Variants in AKR1C8 observed in about 807,000 individuals in gnomAD.
AKR1C8 encodes aldo-keto reductase family 1 member C-like protein 1.
the AKR1C8 span, among the ~76,000 whole-genome samples, chr10:5,180,389 G>T: frequency 6.6e-6 from 1 of 152,208 alleles, no homozygotes; most frequent in Non-Finnish European, 1.5e-5. Flanking sequence ...CCCCTACTGG[G>T]GGCTGCCTCC....
chr10:5,177,850 T>C, the AKR1C8 span, among the ~76,000 whole-genome samples: 1 of 152,200 alleles, frequency 6.6e-6, no homozygotes, highest in Non-Finnish European at 1.5e-5. Context: ...TTTTACTGCA[T>C]CTATTTGATT....
At chr10:5,166,206 T>C in the AKR1C8 span, among the ~76,000 whole-genome samples, 1 of 151,622 alleles carries the variant, frequency 6.6e-6, no homozygotes, top group African/African-American at 2.4e-5. Flanking sequence ...AAAATGGCCA[T>C]ACTGCCCAAG....
the AKR1C8 span, among the ~76,000 whole-genome samples, chr10:5,180,726 A>G: frequency 7.2e-5 from 11 of 152,254 alleles, no homozygotes; most frequent in South Asian, 2.3e-3. Context: ...GTCGCCTTGC[A>G]GTTTGATCTC....
the AKR1C8 span, among the ~76,000 whole-genome samples, chr10:5,179,167 A>T: frequency 3.9e-5 from 6 of 152,200 alleles, no homozygotes; most frequent in Non-Finnish European, 8.8e-5. Context: ...CTTTTAGGGC[A>T]GGCCTGGTGG....
At chr10:5,159,103 T>G in the AKR1C8 span, among the ~76,000 whole-genome samples, 19 of 152,274 alleles carry the variant, frequency 1.2e-4, no homozygotes, top group Admixed American at 1.2e-3. Flanking sequence ...CAATGACGCA[T>G]GCTGCCAAAG....
chr10:5,179,803 A>G, the AKR1C8 span, among the ~76,000 whole-genome samples: 2 of 152,106 alleles, frequency 1.3e-5, no homozygotes, highest in African/African-American at 4.8e-5. Context: ...TGTAGTTCTC[A>G]AGCCTTGGCT....
chr10:5,170,421 A>G, the AKR1C8 span, among the ~76,000 whole-genome samples: 1 of 152,086 alleles, frequency 6.6e-6, no homozygotes, highest in African/African-American at 2.4e-5. Context: ...AATTATTTGT[A>G]TACAGTGCAG....
chr10:5,162,923 A>G, the AKR1C8 span: 1 of 534,608 alleles, frequency 1.9e-6, no homozygotes, highest in Non-Finnish European at 3.8e-6. Context: ...GGCCTGTCCA[A>G]CCTCCTCCTC....
the AKR1C8 span, among the ~76,000 whole-genome samples, chr10:5,141,732 T>C: frequency 6.6e-6 from 1 of 152,180 alleles, no homozygotes; most frequent in African/African-American, 2.4e-5. Context: ...TCTCTATTTT[T>C]GAGCAGGTTT....
At chr10:5,143,766 T>A in the AKR1C8 span, among the ~76,000 whole-genome samples, 1 of 149,150 alleles carries the variant, frequency 6.7e-6, no homozygotes, top group African/African-American at 2.4e-5. Flanking sequence ...TATTTTAGAT[T>A]TCTGTTTCTT....
chr10:5,155,339 T>C, the AKR1C8 span: 1 of 152,494 alleles, frequency 6.6e-6, no homozygotes, highest in East Asian at 1.9e-4. Flanking sequence ...GAGAACGTTA[T>C]GATGGGCCCC....
the AKR1C8 span, among the ~76,000 whole-genome samples, chr10:5,144,506 G>T: frequency 6.6e-6 from 1 of 151,150 alleles, no homozygotes; most frequent in Non-Finnish European, 1.5e-5. Context: ...CTACCCATGA[G>T]CATGGAATGT....
chr10:5,125,051 TTTG>T, the AKR1C8 span, among the ~76,000 whole-genome samples: 1 of 152,064 alleles, frequency 6.6e-6, no homozygotes, highest in Non-Finnish European at 1.5e-5. Flanking sequence ...TGGATTTTTT[TTTG>T]TTTTCACGAT....
chr10:5,169,125 C>T, the AKR1C8 span, among the ~76,000 whole-genome samples: 2 of 152,166 alleles, frequency 1.3e-5, no homozygotes, highest in African/African-American at 2.4e-5. Context: ...TCCCCCTGTG[C>T]CTGAGCTGTC....
At chr10:5,152,233 A>G in the AKR1C8 span, among the ~76,000 whole-genome samples, 1 of 152,316 alleles carries the variant, frequency 6.6e-6, no homozygotes, top group South Asian at 2.1e-4. Context: ...CTCAAGAACA[A>G]CTAACAACAG....
At chr10:5,153,629 A>C in the AKR1C8 span, among the ~76,000 whole-genome samples, 5 of 152,166 alleles carry the variant, frequency 3.3e-5, no homozygotes, top group Non-Finnish European at 7.3e-5. Flanking sequence ...AAGGGGGAGC[A>C]GACGCGTCTT....
the AKR1C8 span, among the ~76,000 whole-genome samples, chr10:5,116,931 A>G: frequency 6.6e-6 from 1 of 152,168 alleles, no homozygotes; most frequent in African/African-American, 2.4e-5. Flanking sequence ...ATTTTCCCAC[A>G]CTTGTTGGCC....
chr10:5,147,834 C>T, the AKR1C8 span, among the ~76,000 whole-genome samples: 11 of 152,240 alleles, frequency 7.2e-5, no homozygotes, highest in East Asian at 1.5e-3. Context: ...GGGATCTGGA[C>T]GGCTGTGGTC....
At chr10:5,134,485 A>C in the AKR1C8 span, among the ~76,000 whole-genome samples, 2 of 152,226 alleles carry the variant, frequency 1.3e-5, no homozygotes, top group African/African-American at 4.8e-5. Context: ...GGGACCATCC[A>C]TACCATTTTG....
Sources: gnomAD v4.1 joint callset for allele counts (sites outside exome capture counted in the v4.1 genomes callset) on GRCh38, gnomAD v4.1.1 for gene constraint, MANE v1.5 for transcripts, NCBI Gene and HGNC (gene_info 2026-07-23, HGNC 2026-07-21) for gene names.